Variants in ARHGAP6 observed in about 807,000 individuals in gnomAD.
The protein encoded by ARHGAP6 is rho GTPase-activating protein 6.
A neutral mutation model predicts 55.7 loss-of-function variants in ARHGAP6; 16 were observed. That is an observed-to-expected ratio of 0.29 (90% CI 0.19 to 0.44). The LOEUF is 0.44. ARHGAP6 is among the 20% of genes least tolerant of loss of function. ARHGAP6 has a pLI of 1.00. For missense variants in ARHGAP6, 698 were observed against 808.9 expected (o/e 0.86, Z 1.66); for synonymous variants, 382 against 360.9 (o/e 1.06, Z -0.66).
intron 8 of ARHGAP6, among the ~76,000 whole-genome samples, chrX:11,175,475 C>G (rs1172145322): frequency 8.9e-6 from 1 of 112,137 alleles, no homozygotes; most frequent in Non-Finnish European, 1.9e-5. Context: ...ATATTCCTTA[C>G]AGTAAACTAG....
In ARHGAP6 at chrX:11,428,771, A is replaced by T. The variant is rs902355473; in HGVS notation, c.589-174064T>A. ...AATTTCAGCCCTTACAATTTAGTTG[A>T]ATGAACCATCCACTGGCATGTAATA... On this transcript the variant is annotated intron_variant, in intron 1 of 12. Coordinates refer to ENST00000337414, the MANE Select transcript of ARHGAP6 (RefSeq NM_013427.3). Among the ~76,000 whole-genome samples, 3 of 111,945 alleles carry T rather than the reference A, an allele frequency of 2.7e-5. No individual in the cohort carries two copies. In the Admixed American group the frequency reaches 2.8e-4, roughly 11 times the overall value.
At chrX:11,466,663 C>G (rs988622670) in intron 1 of ARHGAP6, among the ~76,000 whole-genome samples, 1 of 110,966 alleles carries the variant, frequency 9.0e-6, no homozygotes, top group Non-Finnish European at 1.9e-5. Flanking sequence ...TACCACCACA[C>G]CAGGCTAATT....
At chrX:11,491,638 AG>A (rs1228704365) in intron 1 of ARHGAP6, among the ~76,000 whole-genome samples, 3 of 111,697 alleles carry the variant, frequency 2.7e-5, no homozygotes, top group African/African-American at 9.8e-5. Context: ...GTTGGTTCCA[AG>A]TCTTTGCTAT....
At chrX:11,508,672 AC>A (rs1006752486) in intron 1 of ARHGAP6, among the ~76,000 whole-genome samples, 2 of 108,907 alleles carry the variant, frequency 1.8e-5, no homozygotes, top group Admixed American at 2.0e-4. Flanking sequence ...CAATATGCTC[AC>A]CTCTCCAGTC....
intron 1 of ARHGAP6, among the ~76,000 whole-genome samples, chrX:11,277,851 T>C (rs10156978): frequency 0.29 from 31,584 of 110,614 alleles, 3,487 homozygotes; most frequent in Middle Eastern, 0.43. Context: ...AGTTCAGAGT[T>C]TAGTTCCTTT....
chrX:11,410,596 C>A (rs911260227), intron 1 of ARHGAP6, among the ~76,000 whole-genome samples: 1 of 112,370 alleles, frequency 8.9e-6, no homozygotes, highest in Non-Finnish European at 1.9e-5. Context: ...CTAAAACCCA[C>A]TGAACTGTAC....
At chrX:11,364,391 C>T (rs2066989857) in intron 1 of ARHGAP6, among the ~76,000 whole-genome samples, 1 of 110,297 alleles carries the variant, frequency 9.1e-6, no homozygotes, top group South Asian at 3.9e-4. Flanking sequence ...ACTTTTCCAC[C>T]AATAATTAGC....
intron 1 of ARHGAP6, among the ~76,000 whole-genome samples, chrX:11,573,630 G>T (rs1479404309): frequency 1.8e-5 from 2 of 110,763 alleles, no homozygotes; most frequent in Admixed American, 1.9e-4. Context: ...GATGCCTCCA[G>T]CTTTGTTCTT....
intron 1 of ARHGAP6, among the ~76,000 whole-genome samples, chrX:11,346,129 G>T (rs2048780745): frequency 1.8e-5 from 2 of 111,016 alleles, no homozygotes; most frequent in Admixed American, 1.9e-4. Flanking sequence ...GAAGCAATTT[G>T]CCTGAAGCAC....
chrX:11,629,373 T>C (rs1413233376), intron 1 of ARHGAP6, among the ~76,000 whole-genome samples: 1 of 111,314 alleles, frequency 9.0e-6, no homozygotes. Flanking sequence ...TTAATCTTTC[T>C]ACATGTGCTC....
In ARHGAP6 at chrX:11,298,154, T is replaced by C. The variant is rs201515468; in HGVS notation, c.589-43447A>G. 1.7e-5 allele frequency: 20 copies of C among 1,206,198 alleles called. No homozygotes were observed. The East Asian group carries it at 5.0e-4, about 30-fold the overall frequency. ...TGACAGGACTGCATTAGTGAGTCTATATTTCCTACTGCATCAGTGAGTTTC... is the reference window on the plus strand; with the variant it reads ...TGACAGGACTGCATTAGTGAGTCTACATTTCCTACTGCATCAGTGAGTTTC... On this transcript the variant is annotated intron_variant, in intron 1 of 12. Coordinates refer to ENST00000337414, the MANE Select transcript of ARHGAP6 (RefSeq NM_013427.3).
chrX:11,169,458 C>G (rs978181120), intron 9 of ARHGAP6, 47 bp downstream of exon 9: 1 of 1,130,109 alleles, frequency 8.8e-7, no homozygotes, highest in African/African-American at 1.8e-5. Context: ...CCAGAGGAAA[C>G]CAATAGGCAG....
At chrX:11,223,064 T>G in intron 2 of ARHGAP6, 1 of 128,979 alleles carries the variant, frequency 7.8e-6, no homozygotes, top group Non-Finnish European at 1.6e-5. Flanking sequence ...CTTCTGATAT[T>G]GCTGAACCAT....
chrX:11,267,809 G>T (rs1428050578), intron 1 of ARHGAP6, among the ~76,000 whole-genome samples: 2 of 112,071 alleles, frequency 1.8e-5, no homozygotes, highest in African/African-American at 6.5e-5. Context: ...TGTATATTTG[G>T]TATTCTTTGG....
rs193002280 is a variant in ARHGAP6, at chrX:11,145,600, G to A, written c.1908-1352C>T. Among the ~76,000 whole-genome samples, 269 of 112,282 alleles carry A rather than the reference G, an allele frequency of 2.4e-3. 2 individuals are homozygous for A. The highest frequency in any genetic ancestry group is 3.6e-3 in the Non-Finnish European group (194 of 53,206). ...CAAGATCTCATTGAGTGGTTGTGAA[G>A]TGCATCCCAGGGTGGCTGCATCTGT... On this transcript the variant is annotated intron_variant, in intron 10 of 12. Transcript: ENST00000337414.
intron 1 of ARHGAP6, among the ~76,000 whole-genome samples, chrX:11,521,877 C>T (rs1456403023): frequency 3.6e-5 from 4 of 111,143 alleles, no homozygotes; most frequent in Admixed American, 2.9e-4. Flanking sequence ...CCTTCACGTC[C>T]CTTGTAAGTT....
chrX:11,320,101 G>A (rs2048412873), intron 1 of ARHGAP6, among the ~76,000 whole-genome samples: 1 of 112,063 alleles, frequency 8.9e-6, no homozygotes, highest in Admixed American at 9.5e-5. Context: ...TTGGAGATGT[G>A]AGTCAAAGAA....
intron 1 of ARHGAP6, among the ~76,000 whole-genome samples, chrX:11,443,114 T>C (rs1350889252): frequency 8.9e-6 from 1 of 112,114 alleles, no homozygotes; most frequent in African/African-American, 3.2e-5. Context: ...AAAGGAACCA[T>C]ATTCTGACTT....
chrX:11,583,120 A>G (rs2051684758), intron 1 of ARHGAP6, among the ~76,000 whole-genome samples: 1 of 112,294 alleles, frequency 8.9e-6, no homozygotes, highest in Admixed American at 9.5e-5. Flanking sequence ...ACAGCCAGTT[A>G]ATGGCAGAGC....
Sources: allele counts gnomAD v4.1 joint callset (sites outside exome capture counted in the v4.1 genomes callset), GRCh38; gene constraint gnomAD v4.1.1; transcripts MANE v1.5; gene names NCBI Gene and HGNC (gene_info 2026-07-23, HGNC 2026-07-21).